JARID2: variants seen among roughly 807,000 people sequenced by gnomAD.
JARID2 encodes jumonji and AT-rich interaction domain containing 2.
In JARID2, 21 loss-of-function variants were observed where a neutral mutation model predicts 125.6. The observed-to-expected ratio is 0.17, with a 90% CI of 0.12 to 0.24. The LOEUF is 0.24. Ranked by LOEUF, JARID2 falls within the 10% of genes least tolerant of loss-of-function variation. The pLI is 1.00. For synonymous variants in JARID2, 736 were observed against 661.6 expected (o/e 1.11, Z -1.73); for missense variants, 1,303 against 1,639.6 (o/e 0.79, Z 3.55).
At chr6:15,346,159 C>G (rs1262556563) in intron 1 of JARID2, among the ~76,000 whole-genome samples, 1 of 152,166 alleles carries the variant, frequency 6.6e-6, no homozygotes, top group Non-Finnish European at 1.5e-5. Flanking sequence ...GTGAACATTA[C>G]TTTTGTGGCA....
rs1173562823 is a variant in JARID2, at chr6:15,380,516, C to T, written c.181+6264C>T. 2.0e-5 allele frequency among the ~76,000 whole-genome samples: 3 copies of T among 152,142 alleles called. No homozygotes were observed. The East Asian group carries it at 5.8e-4, about 29-fold the overall frequency. On this transcript the variant is annotated intron_variant, in intron 2 of 17. Transcript: ENST00000341776. The stretch of plus-strand genomic sequence containing the variant: ...GACACACAGATGCATCCGTTAGTTT[C>T]CATTTCCTCACTTAGAGTTTTGTGT...
rs189127362 is a variant in JARID2 at position 15,283,557 on chromosome 6, C to T, written c.45+36973C>T. 7.7e-4 allele frequency among the ~76,000 whole-genome samples: 116 copies of T among 150,238 alleles called. 1 individual carries two copies. The highest frequency in any genetic ancestry group is 2.4e-3 in the East Asian group (12 of 5,062). On this transcript the variant is annotated intron_variant, in intron 1 of 17. Coordinates refer to ENST00000341776, the MANE Select transcript of JARID2 (RefSeq NM_004973.4). Reference sequence around the variant, plus strand: ...CGGGATTTCACCGTGTTAGCCAGGACGGTCTCGATCTGCCGACCTTGTGCT... The same window carrying T: ...CGGGATTTCACCGTGTTAGCCAGGATGGTCTCGATCTGCCGACCTTGTGCT...
rs7766592 is a variant in JARID2, at chr6:15,416,337, G to T, written c.323+5972G>T. ...GGCACTTTGGGAGGCCAAGGCAGGC[G>T]GCTGGGAGGTGGAGTTTGTAGCGAG... On this transcript the variant is annotated intron_variant, in intron 3 of 17. Coordinates refer to ENST00000341776, the MANE Select transcript of JARID2 (RefSeq NM_004973.4). 1.1e-4 allele frequency among the ~76,000 whole-genome samples: 17 copies of T among 151,908 alleles called. No individual in the cohort carries two copies. The South Asian group carries it at 2.7e-3, about 24-fold the overall frequency.
chr6:15,401,052 C>G (rs1451149105), intron 2 of JARID2: 2 of 1,289,242 alleles, frequency 1.6e-6, no homozygotes, highest in Non-Finnish European at 2.0e-6. Flanking sequence ...AACCAAATAG[C>G]TCTAGATTTG....
chr6:15,429,340 A>ACT (rs1334018925), intron 3 of JARID2, among the ~76,000 whole-genome samples: 2 of 151,950 alleles, frequency 1.3e-5, no homozygotes, highest in African/African-American at 4.8e-5. Flanking sequence ...TCATAGGCTA[A>ACT]CTACAACCTT....
intron 1 of JARID2, among the ~76,000 whole-genome samples, chr6:15,296,455 G>A (rs528530871): frequency 6.6e-6 from 1 of 152,134 alleles, no homozygotes; most frequent in Non-Finnish European, 1.5e-5. Flanking sequence ...TTAATGAAAA[G>A]TTGCAAAACC....
At chr6:15,336,993 T>C (rs1762900582) in intron 1 of JARID2, among the ~76,000 whole-genome samples, 9 of 152,306 alleles carry the variant, frequency 5.9e-5, no homozygotes, top group Admixed American at 5.2e-4. Flanking sequence ...ATTTGTTATT[T>C]GTAATCACTC....
chr6:15,347,765 T>A (rs1408758620), intron 1 of JARID2, among the ~76,000 whole-genome samples: 2 of 152,212 alleles, frequency 1.3e-5, no homozygotes, highest in Non-Finnish European at 2.9e-5. Flanking sequence ...TCACGCAAGC[T>A]GGAGTGCAGT....
intron 3 of JARID2, among the ~76,000 whole-genome samples, chr6:15,432,240 C>T (rs1214172520): frequency 6.6e-6 from 1 of 152,112 alleles, no homozygotes; most frequent in Middle Eastern, 3.2e-3. Flanking sequence ...ACCAGCTTGG[C>T]CAACATGGTG....
At chr6:15,452,637 G>A (rs962272060) in intron 4 of JARID2, among the ~76,000 whole-genome samples, 12 of 152,234 alleles carry the variant, frequency 7.9e-5, no homozygotes, top group African/African-American at 2.4e-4. Flanking sequence ...CCTATATTAC[G>A]TTAAGGAAAA....
At chr6:15,274,771 G>A (rs1760433820) in intron 1 of JARID2, among the ~76,000 whole-genome samples, 1 of 152,154 alleles carries the variant, frequency 6.6e-6, no homozygotes, top group Non-Finnish European at 1.5e-5. Context: ...GGAGACTTTA[G>A]AGGTATCCAC....
intron 5 of JARID2, among the ~76,000 whole-genome samples, chr6:15,477,913 A>T (rs1769425358): frequency 6.6e-6 from 1 of 152,212 alleles, no homozygotes. Context: ...GGACTGTCAA[A>T]GAGTCAGCCA....
At chr6:15,332,930 CTTTTCTTTTTTTTTTTTTT>C (rs1430965714) in intron 1 of JARID2, among the ~76,000 whole-genome samples, 2 of 82,798 alleles carry the variant, frequency 2.4e-5, no homozygotes, top group East Asian at 3.4e-4. Context: ...CTTTTCTTTT[CTTTTCTTTTTTTTTTTTTT>C]TTTTTTTTTG....
chr6:15,493,293 T>C (rs936274276), intron 6 of JARID2, among the ~76,000 whole-genome samples: 6 of 152,156 alleles, frequency 3.9e-5, no homozygotes, highest in Non-Finnish European at 8.8e-5. Context: ...CCTCACCAAT[T>C]AGCACAGAAT....
In JARID2 at chr6:15,246,252, G is replaced by T. The variant is rs565868550; in HGVS notation, c.-288G>T. 902 of 375,606 alleles carry T rather than the reference G, an allele frequency of 2.4e-3. No individual in the cohort carries two copies. Among genetic ancestry groups the T allele is most frequent in the Middle Eastern group, 4.4e-3 (6 of 1,358 alleles). 23.3% of individuals were successfully genotyped at this position (375,606 alleles called of 1,614,324 possible). ...GAGTGAAGGGCGTCGGTTTTTTTTTGTGTGTGTGTGTATGTGTTTCGGGGG... is the reference window on the plus strand; with the variant it reads ...GAGTGAAGGGCGTCGGTTTTTTTTTTTGTGTGTGTGTATGTGTTTCGGGGG... On this transcript the variant is annotated 5_prime_UTR_variant, in exon 1 of 18. Transcript: ENST00000341776.
chr6:15,265,842 C>T (rs1186478679), intron 1 of JARID2, among the ~76,000 whole-genome samples: 2 of 152,196 alleles, frequency 1.3e-5, no homozygotes, highest in Non-Finnish European at 2.9e-5. Flanking sequence ...CAGCCCCTCC[C>T]TCATTTACAT....
chr6:15,312,712 G>T (rs554418338), intron 1 of JARID2, among the ~76,000 whole-genome samples: 1 of 152,182 alleles, frequency 6.6e-6, no homozygotes, highest in South Asian at 2.1e-4. Flanking sequence ...GTCTTTCTGT[G>T]TTCTTCCTGT....
chr6:15,441,719 T>C (rs956683475), intron 3 of JARID2, among the ~76,000 whole-genome samples: 3 of 152,204 alleles, frequency 2.0e-5, no homozygotes, highest in Non-Finnish European at 4.4e-5. Flanking sequence ...TGGTATGATA[T>C]TTCTGGTGGG....
intron 1 of JARID2, among the ~76,000 whole-genome samples, chr6:15,364,718 A>G (rs1036955791): frequency 3.9e-5 from 6 of 152,216 alleles, no homozygotes; most frequent in Admixed American, 6.5e-5. Flanking sequence ...AAAATGCACT[A>G]TCACGTAACA....
Sources: gnomAD v4.1 joint callset for allele counts (sites outside exome capture counted in the v4.1 genomes callset) on GRCh38, gnomAD v4.1.1 for gene constraint, MANE v1.5 for transcripts, NCBI Gene and HGNC (gene_info 2026-07-23, HGNC 2026-07-21) for gene names.